ZNF566: variants seen among roughly 807,000 people sequenced by gnomAD.
ZNF566 encodes the protein zinc finger protein 566.
A neutral mutation model predicts 32.8 loss-of-function variants in ZNF566; 27 were observed. That is an observed-to-expected ratio of 0.82 (90% CI 0.61 to 1.14). The LOEUF (loss-of-function observed/expected upper bound fraction) is 1.14, where lower values mean the gene tolerates loss of function less well. ZNF566 is among the 50% of genes most tolerant of loss of function. The pLI, the probability that ZNF566 is intolerant of heterozygous loss-of-function variation, is 0.00. For missense variants in ZNF566, 402 were observed against 490.4 expected (o/e 0.82, Z 1.70); for synonymous variants, 154 against 159.5 (o/e 0.97, Z 0.26).
At chr19:36,482,878 G>T (rs914159435) in intron 1 of ZNF566, among the ~76,000 whole-genome samples, 2 of 152,218 alleles carry the variant, frequency 1.3e-5, no homozygotes, top group Admixed American at 1.3e-4. Context: ...TTTATACAGT[G>T]AACAGCCTTG....
intron 4 of ZNF566, chr19:36,456,583 G>T (rs1313780376): frequency 2.0e-5 from 3 of 151,740 alleles, no homozygotes; most frequent in African/African-American, 7.3e-5. Context: ...ATAAAAAAGG[G>T]GGGTGGGGAG....
chr19:36,472,759 G>A (rs2033796725), intron 4 of ZNF566, 152 bp downstream of exon 4: 1 of 604,080 alleles, frequency 1.7e-6, no homozygotes, highest in South Asian at 2.5e-5. Flanking sequence ...TAGGTAAAGG[G>A]GAAAGGTAGG....
intron 4 of ZNF566, among the ~76,000 whole-genome samples, chr19:36,470,272 C>T (rs993585561): frequency 3.3e-5 from 5 of 152,188 alleles, no homozygotes; most frequent in Admixed American, 2.6e-4. Flanking sequence ...ATCTATGCTG[C>T]GTCCAGTAAG....
chr19:36,447,020 CT>C lies in ZNF566; in HGVS notation c.*1956del, dbSNP rs763024014. 0.19 allele frequency: 26,694 copies of C among 140,742 alleles called. 2,494 individuals carry two copies. The highest frequency in any genetic ancestry group is 0.24 in the Non-Finnish European group (15,288 of 64,440). The allele number at this position is 140,742 out of a possible 1,614,324, so 8.7% of individuals were successfully genotyped here. A position where few individuals can be genotyped will look rare whatever the true frequency, so the allele number is the denominator to read the frequency against. On this transcript the variant is annotated 3_prime_UTR_variant, in exon 5 of 5. Transcript: ENST00000452939. ...ACCCCAAACAAAGCTACACTGTGGA[CT>C]TTTTTTTTTTTTTTTTAATAGTCTC...
intron 1 of ZNF566, among the ~76,000 whole-genome samples, chr19:36,478,314 C>T (rs1335536876): frequency 6.6e-6 from 1 of 152,126 alleles, no homozygotes; most frequent in Non-Finnish European, 1.5e-5. Flanking sequence ...AGGCATTGTG[C>T]TAGATACTAA....
intron 4 of ZNF566, among the ~76,000 whole-genome samples, chr19:36,450,447 C>T (rs534612523): frequency 1.4e-3 from 219 of 152,230 alleles, no homozygotes; most frequent in African/African-American, 5.1e-3. Context: ...AGTTTGAGAT[C>T]AGCCTGGCTA....
At chr19:36,464,854 A>G (rs1354104499) in intron 4 of ZNF566, among the ~76,000 whole-genome samples, 1 of 152,202 alleles carries the variant, frequency 6.6e-6, no homozygotes, top group Non-Finnish European at 1.5e-5. Flanking sequence ...TACAGGAAAA[A>G]GATAAAAATG....
In ZNF566 at chr19:36,448,989, A is replaced by AT. The variant is rs2033065382; in HGVS notation, c.1244dup (p.Asn415LysfsTer11). 14 of 1,581,250 alleles carry AT rather than the reference A, an allele frequency of 8.9e-6. No individual in the cohort carries two copies. The highest frequency in any genetic ancestry group is 1.2e-5 in the Non-Finnish European group (14 of 1,166,960). ...ATATTCTGTTTCATCACCAGTACAAATTTTGATGCTGAATAAGTTGTGGGT... is the reference window on the plus strand; with the variant it reads ...ATATTCTGTTTCATCACCAGTACAAATTTTTGATGCTGAATAAGTTGTGGGT... On this transcript the variant is annotated frameshift_variant, in exon 5 of 5. Coordinates refer to ENST00000452939, the MANE Select transcript of ZNF566 (RefSeq NM_001145344.1). LOFTEE classifies it high-confidence loss of function.
At chr19:36,488,503 A>G (rs918552149) in intron 1 of ZNF566, among the ~76,000 whole-genome samples, 1 of 152,204 alleles carries the variant, frequency 6.6e-6, no homozygotes, top group African/African-American at 2.4e-5. Flanking sequence ...ACTCGGGTAT[A>G]TATTTTGACA....
rs1046722060 is a variant in ZNF566 at position 36,461,589 on chromosome 19, T to C, written c.232+11322A>G. On this transcript the variant is annotated intron_variant, in intron 4 of 4. Coordinates refer to ENST00000452939, the MANE Select transcript of ZNF566 (RefSeq NM_001145344.1). ...GGGAGGCTGAGGCAGGAGAATCCCCTGAACCCAGGAGGCAGAGGTTGCAGT... is the reference window on the plus strand; with the variant it reads ...GGGAGGCTGAGGCAGGAGAATCCCCCGAACCCAGGAGGCAGAGGTTGCAGT... Among the ~76,000 whole-genome samples the C allele has an allele frequency of 7.9e-5, 12 of 152,104 alleles. No individual in the cohort carries two copies. The East Asian group carries it at 2.3e-3, about 29-fold the overall frequency.
At chr19:36,450,225 G>A (rs944998987) in intron 4 of ZNF566, among the ~76,000 whole-genome samples, 6 of 152,192 alleles carry the variant, frequency 3.9e-5, no homozygotes, top group African/African-American at 1.4e-4. Context: ...TGGGAAGCCT[G>A]CTAAATATAC....
In ZNF566 at chr19:36,453,472, CAAAT is replaced by C. The variant is rs918177874; in HGVS notation, c.233-3475_233-3472del. On this transcript the variant is annotated intron_variant, in intron 4 of 4. Transcript: ENST00000452939. ...TGGGTGACAGTGTGAGACTCTATCTCAAATAAATAAATAAATAAATAAATAAATA... is the reference window on the plus strand; with the variant it reads ...TGGGTGACAGTGTGAGACTCTATCTCAAATAAATAAATAAATAAATAAATA... 9.9e-4 allele frequency among the ~76,000 whole-genome samples: 142 copies of C among 143,132 alleles called. 1 individual carries two copies. Among genetic ancestry groups the C allele is most frequent in the African/African-American group, 3.6e-3 (138 of 38,856 alleles). 93.9% of individuals were successfully genotyped at this position (143,132 alleles called of 152,430 possible).
intron 1 of ZNF566, among the ~76,000 whole-genome samples, chr19:36,488,201 AC>A (rs1414084230): frequency 6.6e-6 from 1 of 151,794 alleles, no homozygotes; most frequent in Admixed American, 6.6e-5. Context: ...TCTCATCTCA[AC>A]CTCCTGAGTA....
At chr19:36,454,078 C>T (rs550651831) in intron 4 of ZNF566, among the ~76,000 whole-genome samples, 2 of 151,794 alleles carry the variant, frequency 1.3e-5, no homozygotes, top group East Asian at 2.0e-4. Context: ...TTAAACATTT[C>T]GGTAGAGACA....
chr19:36,467,942 T>C (rs747850240), intron 4 of ZNF566, among the ~76,000 whole-genome samples: 5 of 151,608 alleles, frequency 3.3e-5, no homozygotes, highest in Non-Finnish European at 5.9e-5. Flanking sequence ...TCCCAGCACT[T>C]TGGGAGGCCG....
intron 4 of ZNF566, among the ~76,000 whole-genome samples, chr19:36,467,046 G>A (rs1237571630): frequency 1.3e-5 from 2 of 150,368 alleles, no homozygotes; most frequent in African/African-American, 2.5e-5. Flanking sequence ...TCCACCCTGG[G>A]TGACAGAGCG....
At chr19:36,477,083 T>G (rs2033905369) in intron 1 of ZNF566, among the ~76,000 whole-genome samples, 2 of 152,138 alleles carry the variant, frequency 1.3e-5, no homozygotes, top group African/African-American at 4.8e-5. Flanking sequence ...CAATCTTGGC[T>G]CACTGCAACC....
intron 2 of ZNF566, 182 bp downstream of exon 2, chr19:36,476,367 C>A: frequency 2.5e-5 from 9 of 367,180 alleles, no homozygotes; most frequent in Non-Finnish European, 2.4e-5. Context: ...CTTTTTTTTT[C>A]TATGAATTGG....
chr19:36,473,227 A>AT, intron 3 of ZNF566, 105 bp downstream of exon 3: 1 of 1,379,058 alleles, frequency 7.3e-7, no homozygotes. Flanking sequence ...GTGGAACAGG[A>AT]TATCAAAATT....
Sources: allele counts gnomAD v4.1 joint callset (sites outside exome capture counted in the v4.1 genomes callset), GRCh38; gene constraint gnomAD v4.1.1; transcripts MANE v1.5; gene names NCBI Gene and HGNC (gene_info 2026-07-23, HGNC 2026-07-21).